Variants in DLGAP2 observed in about 807,000 individuals in gnomAD.
DLGAP2 encodes the protein disks large-associated protein 2.
Under a neutral mutation model 100.3 loss-of-function variants are expected in DLGAP2, and 26 were observed. The ratio of observed to expected loss-of-function variants is 0.26; its 90% CI spans 0.19 to 0.36. The LOEUF (loss-of-function observed/expected upper bound fraction) is 0.36, where lower values mean the gene tolerates loss of function less well. Among genes scored for constraint, DLGAP2 ranks in the 10% least tolerant of loss-of-function variants. The pLI is 1.00. For synonymous variants in DLGAP2, 886 were observed against 630.1 expected (o/e 1.41, Z -6.08); for missense variants, 1,858 against 1,453.2 (o/e 1.28, Z -4.53).
At chr8:1,290,278 C>T (rs1488007549) in intron 3 of DLGAP2, among the ~76,000 whole-genome samples, 5 of 152,218 alleles carry the variant, frequency 3.3e-5, no homozygotes, top group Admixed American at 3.3e-4. Context: ...CCTGACGTGG[C>T]TACACACGGT....
intron 4 of DLGAP2, among the ~76,000 whole-genome samples, chr8:1,524,100 G>T (rs1005397069): frequency 2.6e-5 from 4 of 152,174 alleles, no homozygotes; most frequent in African/African-American, 7.2e-5. Context: ...CACTCTGGAC[G>T]GCAGAACTGA....
intron 1 of DLGAP2, among the ~76,000 whole-genome samples, chr8:907,620 G>A (rs1798406591): frequency 6.6e-6 from 1 of 152,198 alleles, no homozygotes; most frequent in East Asian, 1.9e-4. Context: ...AGCCCCTGGA[G>A]TACAGCTTTC....
In DLGAP2 at chr8:1,565,911, G is replaced by A; in HGVS notation, c.1442+17G>A. The stretch of plus-strand genomic sequence containing the variant: ...GCACCAGACGTAAGTGAGACCAGCT[G>A]CCTTCCCACTCCAAGCACTTTCCCA... On this transcript the variant is annotated intron_variant, in intron 6 of 14. Transcript: ENST00000637795. 6.4e-7 allele frequency: 1 copy of A among 1,574,720 alleles called. No individual in the cohort carries two copies. Among genetic ancestry groups the A allele is most frequent in the Non-Finnish European group, 8.6e-7 (1 of 1,160,040 alleles).
chr8:1,423,232 G>T (rs1233339566), intron 3 of DLGAP2, among the ~76,000 whole-genome samples: 1 of 152,092 alleles, frequency 6.6e-6, no homozygotes, highest in Non-Finnish European at 1.5e-5. Context: ...AAACACAGGT[G>T]TGTAGAGCTC....
chr8:841,162 A>G (rs1374458924), intron 1 of DLGAP2, among the ~76,000 whole-genome samples: 2 of 152,222 alleles, frequency 1.3e-5, no homozygotes, highest in Non-Finnish European at 2.9e-5. Flanking sequence ...AAGGCAAGAT[A>G]AATCCTCGAT....
chr8:1,465,860 C>G (rs543959328), intron 3 of DLGAP2, among the ~76,000 whole-genome samples: 4 of 152,314 alleles, frequency 2.6e-5, no homozygotes, highest in South Asian at 2.1e-4. Context: ...GGTTTTGGGA[C>G]TCACAATGAG....
chr8:1,198,402 G>C (rs904762604), intron 2 of DLGAP2, among the ~76,000 whole-genome samples: 4 of 152,282 alleles, frequency 2.6e-5, no homozygotes, highest in African/African-American at 9.6e-5. Flanking sequence ...GAGCTGCCTG[G>C]ACCTTGTGTC....
chr8:957,554 G>A (rs758502709), intron 2 of DLGAP2, among the ~76,000 whole-genome samples: 13 of 152,296 alleles, frequency 8.5e-5, no homozygotes, highest in African/African-American at 2.2e-4. Context: ...CGTTAGAAAC[G>A]GGCAGCAGTG....
chr8:821,804 A>T (rs1796587882), intron 1 of DLGAP2, among the ~76,000 whole-genome samples: 1 of 152,238 alleles, frequency 6.6e-6, no homozygotes, highest in Non-Finnish European at 1.5e-5. Context: ...TTAAATGTAC[A>T]TTATTATCAT....
chr8:1,290,597 C>T (rs913602828), intron 3 of DLGAP2, among the ~76,000 whole-genome samples: 5 of 152,196 alleles, frequency 3.3e-5, no homozygotes, highest in Non-Finnish European at 7.3e-5. Flanking sequence ...GGGGAGACAG[C>T]GGAGACACCA....
intron 3 of DLGAP2, among the ~76,000 whole-genome samples, chr8:1,440,843 C>T (rs539289250): frequency 1.3e-5 from 2 of 152,318 alleles, no homozygotes; most frequent in South Asian, 4.1e-4. Context: ...AACCACGGAA[C>T]TCTCTGGAGT....
intron 13 of DLGAP2, among the ~76,000 whole-genome samples, chr8:1,692,669 A>G (rs927257038): frequency 6.6e-6 from 1 of 152,166 alleles, no homozygotes; most frequent in Non-Finnish European, 1.5e-5. Context: ...CCTGGAAATA[A>G]AAATACATAA....
chr8:1,440,632 A>G (rs561088004), intron 3 of DLGAP2, among the ~76,000 whole-genome samples: 1 of 152,348 alleles, frequency 6.6e-6, no homozygotes, highest in African/African-American at 2.4e-5. Context: ...TCTCCTGAAT[A>G]AAAATCCTGC....
At chr8:1,118,640 C>CT (rs1795957807) in intron 2 of DLGAP2, among the ~76,000 whole-genome samples, 1 of 152,162 alleles carries the variant, frequency 6.6e-6, no homozygotes, top group South Asian at 2.1e-4. Context: ...CAGACGGCCC[C>CT]TGTACTGAGG....
In DLGAP2 at chr8:791,235, G is replaced by T. The variant is rs76476921; in HGVS notation, c.18+53410G>T. 6.7e-3 allele frequency among the ~76,000 whole-genome samples: 1,020 copies of T among 152,246 alleles called. 11 individuals are homozygous for T. Among genetic ancestry groups the T allele is most frequent in the Non-Finnish European group, 0.01 (704 of 68,014 alleles). ...CTGCCACAGATATTTGATTACCAGT[G>T]GGGTTCCACCATGTTTTCTGAGTGA... On this transcript the variant is annotated intron_variant, in intron 1 of 14. Coordinates refer to ENST00000637795, the MANE Select transcript of DLGAP2 (RefSeq NM_001346810.2).
intron 2 of DLGAP2, among the ~76,000 whole-genome samples, chr8:1,229,491 A>G (rs1302864794): frequency 3.3e-5 from 5 of 151,948 alleles, no homozygotes; most frequent in Admixed American, 6.6e-5. Flanking sequence ...CTTCCTCTAG[A>G]TTTTCTAGTT....
chr8:853,077 G>C (rs570288892), intron 1 of DLGAP2, among the ~76,000 whole-genome samples: 77 of 152,344 alleles, frequency 5.1e-4, no homozygotes, highest in Middle Eastern at 3.4e-3. Context: ...ATAATAGCTG[G>C]GTGCTAGAGT....
At chr8:1,594,766 C>G (rs988039443) in intron 6 of DLGAP2, among the ~76,000 whole-genome samples, 1 of 152,144 alleles carries the variant, frequency 6.6e-6, no homozygotes, top group African/African-American at 2.4e-5. Context: ...TAGAGTTTAA[C>G]TGCCAAAAAT....
chr8:1,353,563 AT>A, intron 3 of DLGAP2, among the ~76,000 whole-genome samples: 1 of 152,284 alleles, frequency 6.6e-6, no homozygotes. Context: ...TATTAAATGC[AT>A]TTTTGACTTA....
Sources: allele counts gnomAD v4.1 joint callset (sites outside exome capture counted in the v4.1 genomes callset), GRCh38; gene constraint gnomAD v4.1.1; transcripts MANE v1.5; gene names NCBI Gene and HGNC (gene_info 2026-07-23, HGNC 2026-07-21).